PDZD2: variants seen among roughly 807,000 people sequenced by gnomAD.
The protein encoded by PDZD2 is PDZ domain containing 2, also known as PDZ domain-containing protein 2.
PDZD2 carries 90 observed loss-of-function variants against 220.7 expected under a neutral mutation model. That is an observed-to-expected ratio of 0.41 (90% confidence interval 0.34 to 0.49). The LOEUF (loss-of-function observed/expected upper bound fraction) is 0.49. Among genes scored for constraint, PDZD2 ranks in the 20% least tolerant of loss-of-function variants. The pLI, the probability that PDZD2 is intolerant of heterozygous loss-of-function variation, is 0.28. For synonymous variants in PDZD2, 1,375 were observed against 1,450.5 expected (o/e 0.95, Z 1.18); for missense variants, 3,174 against 3,608.5 (o/e 0.88, Z 3.08).
At chr5:31,776,694 G>A (rs1331200327) in intron 1 of PDZD2, among the ~76,000 whole-genome samples, 2 of 151,204 alleles carry the variant, frequency 1.3e-5, no homozygotes, top group Admixed American at 1.3e-4. Flanking sequence ...TGTCGCCCAG[G>A]CTGGAGTGCA....
intron 6 of PDZD2, among the ~76,000 whole-genome samples, chr5:32,036,620 C>G (rs1312292397): frequency 2.0e-5 from 3 of 152,146 alleles, no homozygotes; most frequent in African/African-American, 7.2e-5. Flanking sequence ...GACCTCATGT[C>G]GACGCCTCCA....
chr5:31,839,404 A>C (rs1029782019), intron 2 of PDZD2, among the ~76,000 whole-genome samples: 1 of 152,222 alleles, frequency 6.6e-6, no homozygotes, highest in Non-Finnish European at 1.5e-5. Flanking sequence ...AAAAAAAAAC[A>C]GATTTTAAGA....
chr5:31,699,997 C>T (rs1747548299), intron 1 of PDZD2, among the ~76,000 whole-genome samples: 1 of 152,080 alleles, frequency 6.6e-6, no homozygotes, highest in Non-Finnish European at 1.5e-5. Context: ...TCTTAAGGAT[C>T]AGCTCTGTGA....
chr5:31,755,398 G>GT (rs1317643508), intron 1 of PDZD2, among the ~76,000 whole-genome samples: 1 of 152,222 alleles, frequency 6.6e-6, no homozygotes, highest in Non-Finnish European at 1.5e-5. Context: ...GCATTTCGGG[G>GT]TGGGGGGCGG....
rs566117396 is a variant in PDZD2, at chr5:31,775,497, G to A, written c.-360-23392G>A. Among the ~76,000 whole-genome samples, 92 of 152,130 alleles carry A rather than the reference G, an allele frequency of 6.0e-4. 1 individual carries two copies. In the South Asian group the frequency reaches 0.017, roughly 28 times the overall value. The stretch of plus-strand genomic sequence containing the variant: ...TCTATACTTGTCACTCATTTCCCTT[G>A]GCCTTTCTGATGGAAATTTGTCCCT... On this transcript the variant is annotated intron_variant, in intron 1 of 24. Coordinates refer to ENST00000438447, the MANE Select transcript of PDZD2 (RefSeq NM_178140.4).
intron 2 of PDZD2, among the ~76,000 whole-genome samples, chr5:31,938,054 T>G (rs1461612575): frequency 6.6e-6 from 1 of 152,246 alleles, no homozygotes; most frequent in East Asian, 1.9e-4. Context: ...AAAAAACATT[T>G]GCTGGTTTGC....
intron 2 of PDZD2, among the ~76,000 whole-genome samples, chr5:31,968,425 G>A (rs1342211202): frequency 2.0e-5 from 3 of 152,132 alleles, no homozygotes; most frequent in Non-Finnish European, 4.4e-5. Flanking sequence ...AGGCTGAGGT[G>A]GGTGGATCTC....
intron 2 of PDZD2, among the ~76,000 whole-genome samples, chr5:31,981,987 C>T (rs1460312014): frequency 6.6e-6 from 1 of 152,202 alleles, no homozygotes; most frequent in Non-Finnish European, 1.5e-5. Flanking sequence ...CTTTGTATTA[C>T]TTCCTGCTTC....
intron 2 of PDZD2, among the ~76,000 whole-genome samples, chr5:31,838,140 C>T (rs959502548): frequency 1.3e-5 from 2 of 152,176 alleles, no homozygotes; most frequent in Non-Finnish European, 2.9e-5. Flanking sequence ...TCACTGTAAC[C>T]TCCGCCTCCA....
intron 2 of PDZD2, among the ~76,000 whole-genome samples, chr5:31,915,136 G>C (rs1281447743): frequency 1.3e-5 from 2 of 152,156 alleles, no homozygotes; most frequent in Non-Finnish European, 2.9e-5. Flanking sequence ...ACTGTGCAAT[G>C]CTGCAAAGGA....
At chr5:31,957,378 G>A (rs1454774427) in intron 2 of PDZD2, among the ~76,000 whole-genome samples, 1 of 152,240 alleles carries the variant, frequency 6.6e-6, no homozygotes, top group Admixed American at 6.5e-5. Flanking sequence ...TCAGGAGGTT[G>A]CACATCACAG....
chr5:31,898,864 C>T (rs1401971751), intron 2 of PDZD2, among the ~76,000 whole-genome samples: 1 of 141,816 alleles, frequency 7.1e-6, no homozygotes, highest in Non-Finnish European at 1.5e-5. Context: ...GAGTCTCGCT[C>T]TGTCACCCAG....
intron 2 of PDZD2, chr5:31,908,709 CCCCTTGCAAT>C: frequency 4.1e-5 from 1 of 24,434 alleles, no homozygotes; most frequent in Non-Finnish European, 3.0e-4. Flanking sequence ...GGCTGCAGAG[CCCCTTGCAAT>C]CATGTCAAGC....
At chr5:31,649,288 T>G (rs1007695583) in intron 1 of PDZD2, among the ~76,000 whole-genome samples, 12 of 152,084 alleles carry the variant, frequency 7.9e-5, no homozygotes, top group African/African-American at 2.7e-4. Context: ...ACCTCTCCTA[T>G]GACTCCTTCT....
chr5:31,944,304 G>T (rs1746453179), intron 2 of PDZD2, among the ~76,000 whole-genome samples: 1 of 152,132 alleles, frequency 6.6e-6, no homozygotes, highest in Non-Finnish European at 1.5e-5. Context: ...TCATTTACTG[G>T]GGAAAAAATA....
chr5:31,701,223 G>C (rs1429721927), intron 1 of PDZD2, among the ~76,000 whole-genome samples: 1 of 151,954 alleles, frequency 6.6e-6, no homozygotes, highest in Non-Finnish European at 1.5e-5. Flanking sequence ...TTGAGGCAGA[G>C]TCTCGCTCTA....
chr5:31,895,977 C>T (rs1741512286), intron 2 of PDZD2, among the ~76,000 whole-genome samples: 1 of 152,150 alleles, frequency 6.6e-6, no homozygotes, highest in Non-Finnish European at 1.5e-5. Context: ...CCCCCAGCCA[C>T]ACTATGCAAT....
At chr5:31,923,521 T>C (rs1285548893) in intron 2 of PDZD2, 1 of 905,574 alleles carries the variant, frequency 1.1e-6, no homozygotes, top group South Asian at 1.3e-5. Context: ...GTTCTGAGCC[T>C]ACTTTGGGGA....
At chr5:31,957,844 CTTG>C (rs1006719741) in intron 2 of PDZD2, among the ~76,000 whole-genome samples, 1 of 152,164 alleles carries the variant, frequency 6.6e-6, no homozygotes, top group African/African-American at 2.4e-5. Context: ...GGAGCAATCT[CTTG>C]TTGTTCTGTC....
Sources: gnomAD v4.1 joint callset for allele counts (sites outside exome capture counted in the v4.1 genomes callset) on GRCh38, gnomAD v4.1.1 for gene constraint, MANE v1.5 for transcripts, NCBI Gene and HGNC (gene_info 2026-07-23, HGNC 2026-07-21) for gene names.